ADAM29: variants seen among roughly 807,000 people sequenced by gnomAD.
ADAM29 encodes ADAM metallopeptidase domain 29, also known as disintegrin and metalloproteinase domain-containing protein 29.
For synonymous variants in ADAM29, 367 were observed against 342.3 expected (o/e 1.07, Z -0.80); for missense variants, 969 against 1,001.8 (o/e 0.97, Z 0.44).
At position 174,977,483 on chromosome 4, in the gene ADAM29, G is replaced by T; in HGVS notation, c.1958G>T (p.Cys653Phe). 1 of 1,614,056 alleles carries T rather than the reference G, an allele frequency of 6.2e-7. No individual in the cohort carries two copies. Among genetic ancestry groups the T allele is most frequent in the South Asian group, 1.1e-5 (1 of 91,048 alleles). ...HCNYLWDPPN[C>F]LIKGYGGSVD... ...AATTATCTGTGGGACCCTCCCAACT[G>T]CCTGATAAAAGGCTATGGAGGTAGT... is the stretch of plus-strand genomic sequence containing the variant. The change falls in exon 5 of 5, where the codon TGC becomes TTC. Residue 653 changes from cysteine (C) to phenylalanine (F), a missense_variant. Physicochemically the swap from Cys to Phe is radical, Grantham distance 205. Coordinates refer to ENST00000359240, the MANE Select transcript of ADAM29 (RefSeq NM_014269.4).
Position 174,976,427 on chromosome 4 carries a change from G to C in ADAM29, c.902G>C (p.Gly301Ala), listed in dbSNP as rs376197978. Reference sequence around the variant, plus strand: ...GGATTAAGAGGGTTAAGTGGCATAGGAGCTTTTAGAGGAATGTGTACACCA... The same window carrying C: ...GGATTAAGAGGGTTAAGTGGCATAGCAGCTTTTAGAGGAATGTGTACACCA... ...TLGLRGLSGI[G>A]AFRGMCTPHR... is the part of the protein sequence containing the mutation. The change falls in exon 5 of 5, where the codon GGA (glycine) becomes GCA (alanine). Residue 301 changes from glycine to alanine, a missense_variant. Gly to Ala is a moderately conservative substitution (Grantham distance 60). Coordinates refer to ENST00000359240, the MANE Select transcript of ADAM29 (RefSeq NM_014269.4). 4 of 1,598,416 alleles carry C rather than the reference G, an allele frequency of 2.5e-6. No homozygotes were observed. Among genetic ancestry groups the C allele is most frequent in the Non-Finnish European group, 2.6e-6 (3 of 1,173,492 alleles).
At chr4:174,947,124 ATCTC>A (rs145310230) in intron 4 of ADAM29, among the ~76,000 whole-genome samples, 5 of 148,442 alleles carry the variant, frequency 3.4e-5, no homozygotes, top group East Asian at 2.0e-4. Flanking sequence ...GCTTATTTGG[ATCTC>A]TCTCTCTCTC....
At chr4:174,962,486 T>A (rs1745893477) in intron 4 of ADAM29, among the ~76,000 whole-genome samples, 1 of 138,754 alleles carries the variant, frequency 7.2e-6, no homozygotes, top group African/African-American at 2.8e-5. Flanking sequence ...CACTCCAGCC[T>A]GGGCGACAGA....
chr4:174,950,082 A>G (rs1745082644), intron 4 of ADAM29, among the ~76,000 whole-genome samples: 1 of 152,214 alleles, frequency 6.6e-6, no homozygotes, highest in South Asian at 2.1e-4. Context: ...AGCCTTTAAT[A>G]AGTAACAAAT....
At position 174,975,634 on chromosome 4, in the gene ADAM29, G is replaced by C. The variant is rs1746723442; in HGVS notation, c.109G>C (p.Val37Leu). 2 of 1,612,688 alleles carry C rather than the reference G, an allele frequency of 1.2e-6. No individual in the cohort carries two copies. The highest frequency in any genetic ancestry group is 3.3e-5 in the Admixed American group (2 of 59,882). ...CAGCCCTCCGGATGTGGTGATTCCT[G>C]TGAGGATAACTGGCACCACCAGAGG... ...YHSPPDVVIPVRITGTTRGMT... is the reference protein window; with the variant it reads ...YHSPPDVVIPLRITGTTRGMT... Residue 37 changes from valine to leucine, a missense_variant, in exon 5 of 5, where the codon GTG becomes CTG. Coordinates refer to ENST00000359240, the MANE Select transcript of ADAM29 (RefSeq NM_014269.4).
At chr4:174,973,488 G>C (rs745417648) in intron 4 of ADAM29, among the ~76,000 whole-genome samples, 2 of 152,176 alleles carry the variant, frequency 1.3e-5, no homozygotes, top group Admixed American at 6.5e-5. Flanking sequence ...TCAAATTGTT[G>C]TTGAAATATG....
Position 174,953,641 on chromosome 4 carries a change from CA to C in ADAM29, c.-181+16630del, listed in dbSNP as rs757988854. ...TACTTAGAATATATTTTAAAACCCACAATACAAACATTTATTTTAATAAAGT... is the reference window on the plus strand; with the variant it reads ...TACTTAGAATATATTTTAAAACCCACATACAAACATTTATTTTAATAAAGT... On this transcript the variant is annotated intron_variant, in intron 4 of 4. Coordinates refer to ENST00000359240, the MANE Select transcript of ADAM29 (RefSeq NM_014269.4). Among the ~76,000 whole-genome samples, 5 of 152,270 alleles carry C rather than the reference CA, an allele frequency of 3.3e-5. No individual in the cohort carries two copies. In the East Asian group the frequency reaches 9.7e-4, roughly 29 times the overall value.
chr4:174,953,253 T>C (rs556888334), intron 4 of ADAM29, among the ~76,000 whole-genome samples: 1 of 152,200 alleles, frequency 6.6e-6, no homozygotes, highest in East Asian at 1.9e-4. Flanking sequence ...GCCACTGCAC[T>C]CTAGCCTGGG....
At chr4:174,936,897 T>A (rs1419995041) in intron 3 of ADAM29, 36 bp from the exon 4 acceptor site, 1 of 152,036 alleles carries the variant, frequency 6.6e-6, no homozygotes, top group Non-Finnish European at 1.5e-5. Flanking sequence ...TCATCTGTGA[T>A]AATATTTTAA....
At chr4:174,940,578 A>G (rs948549831) in intron 4 of ADAM29, among the ~76,000 whole-genome samples, 1 of 152,068 alleles carries the variant, frequency 6.6e-6, no homozygotes, top group South Asian at 2.1e-4. Flanking sequence ...TTTTTTTCAT[A>G]CTAGGATCTT....
intron 4 of ADAM29, among the ~76,000 whole-genome samples, chr4:174,946,172 A>C (rs945710772): frequency 6.6e-6 from 1 of 152,112 alleles, no homozygotes; most frequent in Admixed American, 6.6e-5. Flanking sequence ...TTCTTTCAGC[A>C]GTGTTATGTA....
chr4:174,976,605 C>T lies in ADAM29; in HGVS notation c.1080C>T (p.Asn360=). Residue 360 remains asparagine, a synonymous_variant, in exon 5 of 5, where the codon AAC becomes AAT. Transcript: ENST00000359240. ...CTAGATGCATAATGCATGAAGGCAA[C>T]CCACCAATAACTAAATTTAGCAATT... is the stretch of plus-strand genomic sequence containing the variant. ...SQPRCIMHEG[N]PPITKFSNCS... The T allele has an allele frequency of 6.2e-7, 1 of 1,607,522 alleles. No homozygotes were observed. The highest frequency in any genetic ancestry group is 8.5e-7 in the Non-Finnish European group (1 of 1,176,880).
intron 4 of ADAM29, among the ~76,000 whole-genome samples, chr4:174,967,692 A>G (rs1312454906): frequency 6.6e-6 from 1 of 152,222 alleles, no homozygotes; most frequent in Non-Finnish European, 1.5e-5. Flanking sequence ...CCTATGTATT[A>G]AAACAGTTTG....
chr4:174,956,819 C>A (rs181728889), intron 4 of ADAM29, among the ~76,000 whole-genome samples: 201 of 151,846 alleles, frequency 1.3e-3, no homozygotes, highest in African/African-American at 4.6e-3. Flanking sequence ...TATGCACTCT[C>A]CATAAATAGA....
At chr4:174,936,834 C>G (rs896163608) in intron 3 of ADAM29, 99 bp from the exon 4 acceptor site, 1 of 151,754 alleles carries the variant, frequency 6.6e-6, no homozygotes, top group East Asian at 1.9e-4. Context: ...GGAGAGTGAT[C>G]TCGTTCAGTT....
At chr4:174,971,289 T>C in intron 4 of ADAM29, among the ~76,000 whole-genome samples, 1 of 152,208 alleles carries the variant, frequency 6.6e-6, no homozygotes, top group East Asian at 1.9e-4. Context: ...TCCCTATACT[T>C]ACCTTTATTG....
intron 4 of ADAM29, among the ~76,000 whole-genome samples, chr4:174,942,504 G>T (rs895265914): frequency 3.9e-5 from 6 of 152,130 alleles, no homozygotes; most frequent in African/African-American, 1.4e-4. Context: ...CAAGGCTTAG[G>T]GCTTGTCCCC....
intron 3 of ADAM29, among the ~76,000 whole-genome samples, chr4:174,932,024 A>G (rs1270224401): frequency 6.6e-6 from 1 of 152,144 alleles, no homozygotes; most frequent in Non-Finnish European, 1.5e-5. Context: ...CAAGGTGGCT[A>G]ACACCTGTAA....
intron 4 of ADAM29, among the ~76,000 whole-genome samples, chr4:174,962,786 A>G (rs1192065509): frequency 2.0e-5 from 3 of 147,790 alleles, no homozygotes; most frequent in African/African-American, 8.0e-5. Context: ...ATTTGAAAGA[A>G]AAAAAAACTT....
Sources: allele counts gnomAD v4.1 joint callset (sites outside exome capture counted in the v4.1 genomes callset), GRCh38; gene constraint gnomAD v4.1.1; transcripts MANE v1.5; gene names NCBI Gene and HGNC (gene_info 2026-07-23, HGNC 2026-07-21).